Variants in CPA6 observed in about 807,000 individuals in gnomAD.
The protein encoded by CPA6 is carboxypeptidase B.
A neutral mutation model predicts 63.3 loss-of-function variants in CPA6; 58 were observed. The observed-to-expected ratio is 0.92, with a 90% CI of 0.74 to 1.14. The LOEUF (loss-of-function observed/expected upper bound fraction) is 1.14, where lower values mean the gene tolerates loss of function less well. CPA6 is among the 50% of genes most tolerant of loss of function. The pLI, the probability that CPA6 is intolerant of heterozygous loss-of-function variation, is 0.00. For synonymous variants in CPA6, 185 were observed against 179.0 expected (o/e 1.03, Z -0.27); for missense variants, 565 against 526.6 (o/e 1.07, Z -0.71).
intron 2 of CPA6, among the ~76,000 whole-genome samples, chr8:67,549,643 C>T (rs1388290523): frequency 6.6e-6 from 1 of 152,188 alleles, no homozygotes; most frequent in Non-Finnish European, 1.5e-5. Context: ...CCATTTCCCC[C>T]CATCTCTCCA....
chr8:67,424,033 A>C (rs1244509754), intron 10 of CPA6, among the ~76,000 whole-genome samples: 1 of 152,128 alleles, frequency 6.6e-6, no homozygotes. Flanking sequence ...TTAGATTCTC[A>C]TAGGAACATG....
chr8:67,736,437 T>A (rs115182920), intron 1 of CPA6, among the ~76,000 whole-genome samples: 2,486 of 152,268 alleles, frequency 0.016, 71 homozygotes, highest in African/African-American at 0.057. Flanking sequence ...AAAAGCACCT[T>A]TGATGATATC....
At position 67,422,616 on chromosome 8, in the gene CPA6, T is replaced by C. The variant is rs1809790161; in HGVS notation, c.1202A>G (p.Asp401Gly). The C allele has an allele frequency of 6.2e-7, 1 of 1,614,006 alleles. No individual in the cohort carries two copies. Among genetic ancestry groups the C allele is most frequent in the Non-Finnish European group, 8.5e-7 (1 of 1,179,970 alleles). ...GAGTAAAAATCCAAAATATCCAGTG[T>C]CACGTAGTTCGAAAGCAAATGCATA... is the stretch of plus-strand genomic sequence containing the variant. ...IPYAFAFELR[D>G]TGYFGFLLPE... Residue 401 changes from aspartate to glycine, a missense_variant, in exon 11 of 11, where the codon GAC becomes GGC. Physicochemically the swap from Asp to Gly is moderately conservative, Grantham distance 94. Transcript: ENST00000297770.
rs1264912602 is a variant in CPA6 at position 67,428,167 on chromosome 8, G to A, written c.1042-36C>T. 3 of 1,311,750 alleles carry A rather than the reference G, an allele frequency of 2.3e-6. No homozygotes were observed. In the African/African-American group the frequency reaches 4.4e-5, roughly 19 times the overall value. The allele number at this position is 1,311,750 out of a possible 1,614,324, so 81.3% of individuals were successfully genotyped here. A position where few individuals can be genotyped will look rare whatever the true frequency, so the allele number is the denominator to read the frequency against. On this transcript the variant is annotated intron_variant, in intron 9 of 10. Transcript: ENST00000297770. ...AAATGGGGAAATTTTATATATTGTT[G>A]CATTGAAACTTTTAGATACACTGCT...
At chr8:67,590,553 T>G (rs1314879701) in intron 2 of CPA6, among the ~76,000 whole-genome samples, 2 of 151,838 alleles carry the variant, frequency 1.3e-5, no homozygotes, top group Non-Finnish European at 2.9e-5. Context: ...CAGCACCTGT[T>G]GTTTCCTGAC....
At chr8:67,691,896 T>C (rs1816820577) in intron 1 of CPA6, among the ~76,000 whole-genome samples, 1 of 152,228 alleles carries the variant, frequency 6.6e-6, no homozygotes, top group Non-Finnish European at 1.5e-5. Flanking sequence ...AAATTAAGAC[T>C]AAACTCCAAA....
rs573890578 is a variant in CPA6 at position 67,526,042 on chromosome 8, G to A, written c.193-7995C>T. Among the ~76,000 whole-genome samples, 18 of 152,148 alleles carry A rather than the reference G, an allele frequency of 1.2e-4. No homozygotes were observed. In the South Asian group the frequency reaches 1.9e-3, roughly 16 times the overall value. On this transcript the variant is annotated intron_variant, in intron 2 of 10. Coordinates refer to ENST00000297770, the MANE Select transcript of CPA6 (RefSeq NM_020361.5). Reference sequence around the variant, plus strand: ...ATGCAACCCCCTTCCCCCTCGCCTCGCTCATTAGCTTGTTGCAACAAGTGG... The same window carrying A: ...ATGCAACCCCCTTCCCCCTCGCCTCACTCATTAGCTTGTTGCAACAAGTGG...
intron 2 of CPA6, among the ~76,000 whole-genome samples, chr8:67,610,489 C>G (rs1008687023): frequency 1.3e-5 from 2 of 152,146 alleles, no homozygotes. Context: ...TTAATATTTG[C>G]TGTCAATTAT....
chr8:67,641,812 G>A (rs998444896), intron 1 of CPA6, among the ~76,000 whole-genome samples: 2 of 151,574 alleles, frequency 1.3e-5, no homozygotes, highest in African/African-American at 4.9e-5. Flanking sequence ...TAACCACATA[G>A]CAAACTTAAA....
chr8:67,559,817 A>G (rs938104414), intron 2 of CPA6, among the ~76,000 whole-genome samples: 2 of 151,508 alleles, frequency 1.3e-5, no homozygotes, highest in Non-Finnish European at 2.9e-5. Flanking sequence ...AGGATTCTAT[A>G]CAATGGGGCT....
At chr8:67,493,358 T>G (rs2128962662) in intron 6 of CPA6, among the ~76,000 whole-genome samples, 1 of 152,348 alleles carries the variant, frequency 6.6e-6, no homozygotes, top group East Asian at 1.9e-4. Flanking sequence ...GACTATTCCC[T>G]GGAGAGCTTT....
chr8:67,723,101 A>G (rs1482930053), intron 1 of CPA6, among the ~76,000 whole-genome samples: 1 of 152,154 alleles, frequency 6.6e-6, no homozygotes, highest in Non-Finnish European at 1.5e-5. Context: ...AATATATGCC[A>G]TAACTCATTC....
intron 9 of CPA6, 84 bp downstream of exon 9, chr8:67,433,954 C>T (rs1363870898): frequency 2.3e-6 from 2 of 864,576 alleles, no homozygotes; most frequent in Non-Finnish European, 3.9e-6. Flanking sequence ...CATGTGTTTG[C>T]CATTATCATT....
intron 7 of CPA6, among the ~76,000 whole-genome samples, chr8:67,484,231 G>T (rs984567630): frequency 3.3e-5 from 5 of 152,044 alleles, no homozygotes; most frequent in African/African-American, 1.2e-4. Flanking sequence ...CACCGCGCCC[G>T]GCTAATTTTT....
intron 1 of CPA6, among the ~76,000 whole-genome samples, chr8:67,632,148 CTGTGTG>C (rs35463897): frequency 0.046 from 6,826 of 147,788 alleles, 302 homozygotes; most frequent in African/African-American, 0.11. Flanking sequence ...AAAAATGATG[CTGTGTG>C]TGTGTGTGTG....
In CPA6 at chr8:67,484,772, CTT is replaced by C; in HGVS notation, c.652_653del (p.Lys218GlufsTer2). On this transcript the variant is annotated frameshift_variant, in exon 7 of 11. Transcript: ENST00000297770. ...ACATTTTTCTCATGGCTGGGTCACT[CTT>C]ATATGTTAGAAGAGCCTAAAAGACA... ...WFVKEALLTY[K>X]SDPAMRKMLN... 6.2e-7 allele frequency: 1 copy of C among 1,601,036 alleles called. No individual in the cohort carries two copies. The highest frequency in any genetic ancestry group is 8.6e-7 in the Non-Finnish European group (1 of 1,169,056).
intron 1 of CPA6, among the ~76,000 whole-genome samples, chr8:67,728,984 C>T (rs573303246): frequency 6.6e-6 from 1 of 152,216 alleles, no homozygotes; most frequent in South Asian, 2.1e-4. Flanking sequence ...AAAGCAAGGC[C>T]CAGAAAGATG....
At chr8:67,694,560 G>T (rs1816874817) in intron 1 of CPA6, among the ~76,000 whole-genome samples, 2 of 152,174 alleles carry the variant, frequency 1.3e-5, no homozygotes, top group Non-Finnish European at 2.9e-5. Context: ...GGCCCTGAAG[G>T]CACAATTAAG....
chr8:67,571,220 TGAAGGGAGAGAGA>T (rs1813477842), intron 2 of CPA6, among the ~76,000 whole-genome samples: 1 of 152,158 alleles, frequency 6.6e-6, no homozygotes. Context: ...TTAACGGATC[TGAAGGGAGAGAGA>T]GATTGCCATT....
Sources: gnomAD v4.1 joint callset for allele counts (sites outside exome capture counted in the v4.1 genomes callset) on GRCh38, gnomAD v4.1.1 for gene constraint, MANE v1.5 for transcripts, NCBI Gene and HGNC (gene_info 2026-07-23, HGNC 2026-07-21) for gene names.